BCR: variants seen among roughly 807,000 people sequenced by gnomAD.
BCR encodes the protein breakpoint cluster region protein.
BCR carries 58 observed loss-of-function variants against 138.6 expected under a neutral mutation model. That is an observed-to-expected ratio of 0.42 (90% CI 0.34 to 0.52). The LOEUF (loss-of-function observed/expected upper bound fraction) is 0.52. BCR is among the 20% of genes least tolerant of loss of function. BCR has a pLI of 0.06. For missense variants in BCR, 1,599 were observed against 1,727.2 expected, an observed-to-expected ratio of 0.93 and a Z score of 1.32; for synonymous variants, 786 against 730.1, an observed-to-expected ratio of 1.08 and a Z score of -1.23.
intron 15 of BCR, among the ~76,000 whole-genome samples, chr22:23,293,173 T>C (rs1381309101): frequency 6.6e-6 from 1 of 152,120 alleles, no homozygotes; most frequent in Non-Finnish European, 1.5e-5. Flanking sequence ...AGGGGAATGA[T>C]TGCAGAGAGG....
intron 1 of BCR, among the ~76,000 whole-genome samples, chr22:23,219,450 ACCCTGTCCCACC>A (rs2072797234): frequency 6.6e-6 from 1 of 152,092 alleles, no homozygotes; most frequent in Non-Finnish European, 1.5e-5. Context: ...TTTGGCTGTG[ACCCTGTCCCACC>A]CTTGGCCTCT....
chr22:23,274,705 C>T (rs1039152600), intron 8 of BCR, among the ~76,000 whole-genome samples: 3 of 151,910 alleles, frequency 2.0e-5, no homozygotes, highest in South Asian at 2.1e-4. Flanking sequence ...GTCAAGAATT[C>T]GAGACCAGCC....
chr22:23,200,649 TC>T (rs1490366156), intron 1 of BCR, among the ~76,000 whole-genome samples: 1 of 152,118 alleles, frequency 6.6e-6, no homozygotes, highest in Non-Finnish European at 1.5e-5. Flanking sequence ...CCTTGACCTC[TC>T]CAGGCTCAGG....
intron 1 of BCR, among the ~76,000 whole-genome samples, chr22:23,187,500 T>TCC (rs1491340419): frequency 7.9e-6 from 1 of 126,512 alleles, no homozygotes; most frequent in African/African-American, 3.8e-5. Flanking sequence ...TCTCTCTCTC[T>TCC]TTTTTTTTTT....
chr22:23,248,506 G>A (rs1173841833), intron 1 of BCR, among the ~76,000 whole-genome samples: 3 of 152,020 alleles, frequency 2.0e-5, no homozygotes, highest in Non-Finnish European at 4.4e-5. Flanking sequence ...GGGCTGACTG[G>A]GACCTAACCA....
intron 13 of BCR, chr22:23,290,021 C>T (rs2073767014): frequency 3.9e-6 from 2 of 517,394 alleles, no homozygotes; most frequent in East Asian, 6.8e-5. Context: ...GTCACACACA[C>T]AGCATACGCT....
At chr22:23,256,718 G>T (rs963076267) in intron 2 of BCR, among the ~76,000 whole-genome samples, 19 of 152,144 alleles carry the variant, frequency 1.2e-4, no homozygotes, top group Non-Finnish European at 2.9e-5. Flanking sequence ...ACTAGAAGGG[G>T]CCTCTTTGCA....
chr22:23,225,176 G>A (rs1265924414), intron 1 of BCR, among the ~76,000 whole-genome samples: 1 of 150,044 alleles, frequency 6.7e-6, no homozygotes, highest in Non-Finnish European at 1.5e-5. Context: ...GAATTGACTT[G>A]ACTGGTCTGT....
intron 2 of BCR, among the ~76,000 whole-genome samples, chr22:23,259,216 TTTATTTTCTCCTAGTC>T (rs2073330235): frequency 6.6e-6 from 1 of 152,024 alleles, no homozygotes; most frequent in South Asian, 2.1e-4. Flanking sequence ...AGAACAGGAG[TTTATTTTCTCCTAGTC>T]CTGGAGGCCT....
Position 23,283,970 on chromosome 22 carries a change from C to G in BCR, c.2116-7C>G. 1 of 1,588,954 alleles carries G rather than the reference C, an allele frequency of 6.3e-7. No homozygotes were observed. Among genetic ancestry groups the G allele is most frequent in the East Asian group, 2.3e-5 (1 of 43,730 alleles). On this transcript the variant is annotated splice_polypyrimidine_tract_variant and splice_region_variant and intron_variant, in intron 8 of 22. Coordinates refer to ENST00000305877, the MANE Select transcript of BCR (RefSeq NM_004327.4). ...GGCCCTGACCCCAGCCTTCCCTGTG[C>G]CTGCAGCACCGGCAGCTGCTGAAGG...
At chr22:23,194,155 G>C (rs559318469) in intron 1 of BCR, among the ~76,000 whole-genome samples, 2 of 152,160 alleles carry the variant, frequency 1.3e-5, no homozygotes, top group African/African-American at 2.4e-5. Flanking sequence ...GTTTATTTTT[G>C]CCCACATCTT....
At position 23,181,226 on chromosome 22, in the gene BCR, A is replaced by C. The variant is rs2146188078; in HGVS notation, c.266A>C (p.Glu89Ala). ...GCGCAGGCCCCCGACGGCGCCTCCG[A>C]GCCCCGAGCGTCCGCGTCGCGCCCG... ...RAAQAPDGAS[E>A]PRASASRPQP... Residue 89 changes from glutamate (E) to alanine (A), a missense_variant, in exon 1 of 23, where the codon GAG (glutamate) becomes GCG (alanine). Transcript: ENST00000305877. 8.1e-7 allele frequency: 1 copy of C among 1,240,992 alleles called. No homozygotes were observed. The allele number at this position is 1,240,992 out of a possible 1,614,324, so 76.9% of individuals were successfully genotyped here. A position where few individuals can be genotyped will look rare whatever the true frequency, so the allele number is the denominator to read the frequency against.
chr22:23,277,495 G>A (rs1021454336), intron 8 of BCR, among the ~76,000 whole-genome samples: 2 of 152,080 alleles, frequency 1.3e-5, no homozygotes, highest in African/African-American at 4.8e-5. Context: ...TTTTAGCTCC[G>A]CACACTACCC....
At chr22:23,244,319 C>A (rs1295051955) in intron 1 of BCR, among the ~76,000 whole-genome samples, 1 of 152,210 alleles carries the variant, frequency 6.6e-6, no homozygotes, top group Non-Finnish European at 1.5e-5. Context: ...TGCAAAAAGA[C>A]TCTTTCCAGG....
intron 8 of BCR, among the ~76,000 whole-genome samples, chr22:23,281,208 G>T (rs747800144): frequency 6.6e-6 from 1 of 152,208 alleles, no homozygotes; most frequent in African/African-American, 2.4e-5. Flanking sequence ...GTGTGGTACC[G>T]TCCCTGTCCC....
intron 2 of BCR, among the ~76,000 whole-genome samples, chr22:23,254,710 GCTCAC>G (rs2073273286): frequency 2.0e-5 from 3 of 152,204 alleles, no homozygotes; most frequent in African/African-American, 4.8e-5. Context: ...GGGCCCAGAT[GCTCAC>G]CCCTTGCCAT....
chr22:23,271,465 G>C (rs1221582108), intron 5 of BCR, 67 bp from the exon 6 acceptor site: 1 of 1,509,744 alleles, frequency 6.6e-7, no homozygotes, highest in African/African-American at 1.4e-5. Context: ...GTTGCCAAAG[G>C]GGGAACTGTC....
chr22:23,219,035 T>C lies in BCR; in HGVS notation c.1280-34764T>C, dbSNP rs529514688. Among the ~76,000 whole-genome samples, 7 of 152,220 alleles carry C rather than the reference T, an allele frequency of 4.6e-5. No individual in the cohort carries two copies. In the South Asian group the frequency reaches 1.5e-3, roughly 32 times the overall value. Reference sequence around the variant, plus strand: ...TGAGAAGGCCTGCGCTTCCAGCCCATTCCTGCCATGCCGCTGCCCTAATGG... The same window carrying C: ...TGAGAAGGCCTGCGCTTCCAGCCCACTCCTGCCATGCCGCTGCCCTAATGG... On this transcript the variant is annotated intron_variant, in intron 1 of 22. Coordinates refer to ENST00000305877, the MANE Select transcript of BCR (RefSeq NM_004327.4).
rs137944557 is a variant in BCR, at chr22:23,198,562, G to T, written c.1279+16323G>T. Reference sequence around the variant, plus strand: ...TGGTGGGAGGCCACCGCAGGTAAGGGGAGTGAAAGGGTGGCTGTGGCGGCT... The same window carrying T: ...TGGTGGGAGGCCACCGCAGGTAAGGTGAGTGAAAGGGTGGCTGTGGCGGCT... On this transcript the variant is annotated intron_variant, in intron 1 of 22. Coordinates refer to ENST00000305877, the MANE Select transcript of BCR (RefSeq NM_004327.4). 4.5e-3 allele frequency among the ~76,000 whole-genome samples: 687 copies of T among 152,314 alleles called. 7 individuals are homozygous for T. The highest frequency in any genetic ancestry group is 0.016 in the African/African-American group (652 of 41,552).
Sources: gnomAD v4.1 joint callset for allele counts (sites outside exome capture counted in the v4.1 genomes callset) on GRCh38, gnomAD v4.1.1 for gene constraint, MANE v1.5 for transcripts, NCBI Gene and HGNC (gene_info 2026-07-23, HGNC 2026-07-21) for gene names.